The following IPO7 variants were observed in gnomAD, a reference collection of about 807,000 sequenced individuals.
The protein encoded by IPO7 is importin-7.
Under a neutral mutation model 136.4 loss-of-function variants are expected in IPO7, and 13 were observed. The observed-to-expected ratio is 0.10, with a 90% CI of 0.06 to 0.15. The LOEUF (loss-of-function observed/expected upper bound fraction) is 0.15. Ranked by LOEUF, IPO7 falls within the 10% of genes least tolerant of loss-of-function variation. The pLI is 1.00. For missense variants in IPO7, 857 were observed against 1,240.6 expected (o/e 0.69, Z 4.65); for synonymous variants, 403 against 404.4 (o/e 1.00, Z 0.04).
Position 9,438,072 on chromosome 11 carries a change from TTTTTTAG to T in IPO7, c.2490-7_2490-1del. On this transcript the variant is annotated splice_acceptor_variant and splice_polypyrimidine_tract_variant and intron_variant, in intron 21 of 24. Coordinates refer to ENST00000379719, the MANE Select transcript of IPO7 (RefSeq NM_006391.3). LOFTEE classifies it high-confidence loss of function. ...TTTTTTTTTTTTTTTTTTTTTTTTTTTTTTTAGGCTTCATGACAGAAAGATGTGTGTT... is the reference window on the plus strand; with the variant it reads ...TTTTTTTTTTTTTTTTTTTTTTTTTTGCTTCATGACAGAAAGATGTGTGTT... The T allele has an allele frequency of 7.3e-7, 1 of 1,363,606 alleles. No homozygotes were observed. Among genetic ancestry groups the T allele is most frequent in the African/African-American group, 1.6e-5 (1 of 64,280 alleles). 84.5% of individuals were successfully genotyped at this position (1,363,606 alleles called of 1,614,324 possible).
At chr11:9,435,851 ATTG>A (rs1855361787) in intron 19 of IPO7, among the ~76,000 whole-genome samples, 1 of 151,892 alleles carries the variant, frequency 6.6e-6, no homozygotes, top group Non-Finnish European at 1.5e-5. Flanking sequence ...TTTTTGTGTT[ATTG>A]TTGTTTTCTT....
At chr11:9,406,979 G>T (rs1854897643) in intron 2 of IPO7, among the ~76,000 whole-genome samples, 2 of 152,230 alleles carry the variant, frequency 1.3e-5, no homozygotes, top group Admixed American at 1.3e-4. Context: ...AGTTCATTCT[G>T]TCTTTGCTCA....
chr11:9,408,282 G>C (rs563934867), intron 2 of IPO7, among the ~76,000 whole-genome samples: 1 of 152,060 alleles, frequency 6.6e-6, no homozygotes, highest in African/African-American at 2.4e-5. Flanking sequence ...TGTGTGATTC[G>C]TAATAACTTT....
intron 8 of IPO7, among the ~76,000 whole-genome samples, chr11:9,421,610 A>G (rs1855130337): frequency 6.6e-6 from 1 of 150,870 alleles, no homozygotes; most frequent in African/African-American, 2.4e-5. Flanking sequence ...CCTGGGTTAC[A>G]GAGCAAGACT....
At chr11:9,390,894 C>T (rs544531283) in intron 1 of IPO7, among the ~76,000 whole-genome samples, 3 of 151,992 alleles carry the variant, frequency 2.0e-5, no homozygotes, top group East Asian at 1.9e-4. Context: ...CTCAGCCTCC[C>T]GAGTAGCTGG....
intron 6 of IPO7, among the ~76,000 whole-genome samples, chr11:9,418,964 C>T (rs1037302621): frequency 6.6e-5 from 10 of 152,028 alleles, no homozygotes; most frequent in South Asian, 2.1e-4. Flanking sequence ...TATTGCTGAG[C>T]GGTATCCCAT....
chr11:9,407,902 C>G (rs1376629581), intron 2 of IPO7, among the ~76,000 whole-genome samples: 1 of 152,158 alleles, frequency 6.6e-6, no homozygotes, highest in East Asian at 1.9e-4. Flanking sequence ...TGTCAAATAG[C>G]AATGTGCAAA....
intron 8 of IPO7, 119 bp from the exon 9 acceptor site, chr11:9,422,887 G>A (rs1326958712): frequency 1.7e-5 from 9 of 529,736 alleles, no homozygotes; most frequent in Admixed American, 9.4e-5. Flanking sequence ...CAAAGTATAC[G>A]GTTGTTTTTC....
At chr11:9,413,146 A>G (rs1017505222) in intron 4 of IPO7, among the ~76,000 whole-genome samples, 9 of 151,994 alleles carry the variant, frequency 5.9e-5, no homozygotes, top group Non-Finnish European at 1.0e-4. Flanking sequence ...CCAAAGTGCT[A>G]GGATTAGAGG....
intron 22 of IPO7, 107 bp from the exon 23 acceptor site, chr11:9,440,346 CTT>C: frequency 4.7e-6 from 4 of 856,150 alleles, no homozygotes; most frequent in Non-Finnish European, 5.7e-6. Flanking sequence ...GGAGCTCTCT[CTT>C]GTCACTTGTG....
intron 12 of IPO7, among the ~76,000 whole-genome samples, chr11:9,427,985 C>T (rs1355710684): frequency 6.6e-6 from 1 of 152,050 alleles, no homozygotes; most frequent in Non-Finnish European, 1.5e-5. Context: ...AGCTTCTTTC[C>T]ACTTAGAAAA....
In IPO7 at chr11:9,423,112, C is replaced by T. The variant is rs778318496; in HGVS notation, c.1013C>T (p.Thr338Ile). ...YINQGVSHALTWKNLKPHIQG... is the reference protein window; with the variant it reads ...YINQGVSHALIWKNLKPHIQG... ...AATCAAGGAGTTTCTCATGCTCTCA[C>T]CTGGAAGAATCTGAAGCCCCATATA... Residue 338 changes from threonine to isoleucine, a missense_variant, in exon 9 of 25, where the codon ACC (threonine) becomes ATC (isoleucine). This residue lies in a region of IPO7 where 127 missense variants were observed against 222.4 expected (regional missense o/e 0.57). Coordinates refer to ENST00000379719, the MANE Select transcript of IPO7 (RefSeq NM_006391.3). 6 of 1,585,540 alleles carry T rather than the reference C, an allele frequency of 3.8e-6. No individual in the cohort carries two copies. The highest frequency in any genetic ancestry group is 5.2e-6 in the Non-Finnish European group (6 of 1,158,594).
At chr11:9,394,429 G>A (rs1854681321) in intron 1 of IPO7, among the ~76,000 whole-genome samples, 1 of 152,072 alleles carries the variant, frequency 6.6e-6, no homozygotes, top group Non-Finnish European at 1.5e-5. Context: ...AGGGGCCTAG[G>A]TTTTTGAGGC....
intron 10 of IPO7, among the ~76,000 whole-genome samples, chr11:9,424,368 T>C (rs1346941721): frequency 1.3e-5 from 2 of 152,216 alleles, no homozygotes; most frequent in Non-Finnish European, 2.9e-5. Context: ...CAGTAGTGTT[T>C]CATACATACG....
intron 1 of IPO7, among the ~76,000 whole-genome samples, chr11:9,392,009 C>T (rs762060934): frequency 2.0e-5 from 3 of 151,902 alleles, no homozygotes; most frequent in East Asian, 1.9e-4. Context: ...ATTACAGGTG[C>T]GAGTCACTGC....
At position 9,446,498 on chromosome 11, in the gene IPO7, A is replaced by T. The variant is rs1009726226; in HGVS notation, c.*1304A>T. 1 of 152,198 alleles carries T rather than the reference A, an allele frequency of 6.6e-6. No individual in the cohort carries two copies. Among genetic ancestry groups the T allele is most frequent in the African/African-American group, 2.4e-5 (1 of 41,450 alleles). 9.4% of individuals were successfully genotyped at this position (152,198 alleles called of 1,614,324 possible). A position where few individuals can be genotyped will look rare whatever the true frequency, so the allele number is the denominator to read the frequency against. On this transcript the variant is annotated 3_prime_UTR_variant, in exon 25 of 25. Transcript: ENST00000379719. Reference sequence around the variant, plus strand: ...AAGCCAGCAAAAAGATACTGTAGAGAGGTTGGCTTGCTTCCCTCTCTTCCT... The same window carrying T: ...AAGCCAGCAAAAAGATACTGTAGAGTGGTTGGCTTGCTTCCCTCTCTTCCT...
At chr11:9,407,343 C>A (rs1229898758) in intron 2 of IPO7, among the ~76,000 whole-genome samples, 2 of 152,124 alleles carry the variant, frequency 1.3e-5, no homozygotes, top group African/African-American at 2.4e-5. Flanking sequence ...ATCACGAGGT[C>A]AGGAGAGCGA....
At chr11:9,409,844 C>A in intron 3 of IPO7, 84 bp from the exon 4 acceptor site, 1 of 993,318 alleles carries the variant, frequency 1.0e-6, no homozygotes, top group Non-Finnish European at 1.4e-6. Flanking sequence ...TAGATTTTGT[C>A]TAAACAGCTA....
chr11:9,428,635 T>C lies in IPO7; in HGVS notation c.1425+6T>C, dbSNP rs1181986909. On this transcript the variant is annotated splice_donor_region_variant and intron_variant, in intron 13 of 24. Coordinates refer to ENST00000379719, the MANE Select transcript of IPO7 (RefSeq NM_006391.3). Reference sequence around the variant, plus strand: ...TAGGCTACATGAGAGCAAGGGTATGTTTTAAAGCTGCATTATTTATATACT... The same window carrying C: ...TAGGCTACATGAGAGCAAGGGTATGCTTTAAAGCTGCATTATTTATATACT... 2 of 1,459,138 alleles carry C rather than the reference T, an allele frequency of 1.4e-6. No homozygotes were observed. Among genetic ancestry groups the C allele is most frequent in the Non-Finnish European group, 1.9e-6 (2 of 1,044,654 alleles). The allele number at this position is 1,459,138 out of a possible 1,614,324, so 90.4% of individuals were successfully genotyped here.
Sources: allele counts gnomAD v4.1 joint callset (sites outside exome capture counted in the v4.1 genomes callset), GRCh38; gene constraint gnomAD v4.1.1; regional missense constraint gnomAD v4.1.1; transcripts MANE v1.5; gene names NCBI Gene and HGNC (gene_info 2026-07-23, HGNC 2026-07-21).